LPIN2: variants seen among roughly 807,000 people sequenced by gnomAD.
LPIN2 encodes lipin 2.
A neutral mutation model predicts 111.4 loss-of-function variants in LPIN2; 55 were observed. That is an observed-to-expected ratio of 0.49 (90% CI 0.40 to 0.62). The LOEUF (loss-of-function observed/expected upper bound fraction) is 0.62, where lower values mean the gene tolerates loss of function less well. Ranked by LOEUF, LPIN2 falls within the 20% of genes least tolerant of loss-of-function variation. The pLI is 0.00. For missense variants in LPIN2, 992 were observed against 1,112.1 expected (o/e 0.89, Z 1.54); for synonymous variants, 425 against 414.0 (o/e 1.03, Z -0.32).
chr18:2,939,698 T>A (rs2077342979), intron 5 of LPIN2, 95 bp from the exon 6 acceptor site: 2 of 1,392,846 alleles, frequency 1.4e-6, no homozygotes, highest in Non-Finnish European at 2.0e-6. Context: ...TCTGAATATC[T>A]TGACTTTATC....
rs1043468723 is a variant in LPIN2 at position 2,917,975 on chromosome 18, A to T, written c.*2318T>A. On this transcript the variant is annotated 3_prime_UTR_variant, in exon 20 of 20. Transcript: ENST00000677752. ...ACACTCGAGGGCATCTCTTTCACAG[A>T]AAGAACAAATGTCATTTGTACCAAA... 3 of 152,224 alleles carry T rather than the reference A, an allele frequency of 2.0e-5. No individual in the cohort carries two copies. Among genetic ancestry groups the T allele is most frequent in the African/African-American group, 7.2e-5 (3 of 41,464 alleles). 9.4% of individuals were successfully genotyped at this position (152,224 alleles called of 1,614,324 possible). A position where few individuals can be genotyped will look rare whatever the true frequency, so the allele number is the denominator to read the frequency against.
chr18:2,998,057 G>A lies in LPIN2; in HGVS notation c.-10+15030C>T, dbSNP rs1345566084. ...CTTTCCCAATGTCAATCAAAACACA[G>A]CTCAAGTTTCATGCCCTGCTTTATT... is the stretch of plus-strand genomic sequence containing the variant. On this transcript the variant is annotated intron_variant, in intron 1 of 19. Coordinates refer to ENST00000677752, the MANE Select transcript of LPIN2 (RefSeq NM_001375808.2). Among the ~76,000 whole-genome samples, 6 of 152,208 alleles carry A rather than the reference G, an allele frequency of 3.9e-5. No homozygotes were observed. In the East Asian group the frequency reaches 1.2e-3, roughly 29 times the overall value.
At chr18:2,961,692 C>T (rs1003168193) in intron 1 of LPIN2, among the ~76,000 whole-genome samples, 2 of 152,152 alleles carry the variant, frequency 1.3e-5, no homozygotes, top group Non-Finnish European at 2.9e-5. Context: ...CAAATCCCCC[C>T]CTTCAGTCCT....
intron 4 of LPIN2, among the ~76,000 whole-genome samples, chr18:2,944,384 C>G (rs1425957431): frequency 8.6e-6 from 1 of 116,310 alleles, no homozygotes; most frequent in Non-Finnish European, 1.7e-5. Flanking sequence ...CGGAGTCTGG[C>G]TCTGTCGCCC....
chr18:2,972,529 A>G (rs1210501252), intron 1 of LPIN2: 2 of 152,258 alleles, frequency 1.3e-5, no homozygotes, highest in Non-Finnish European at 2.9e-5. Flanking sequence ...TGGAAACAAT[A>G]GTTTAATTTT....
chr18:2,927,101 C>CT (rs1302238062), intron 12 of LPIN2, among the ~76,000 whole-genome samples: 1 of 152,206 alleles, frequency 6.6e-6, no homozygotes, highest in Non-Finnish European at 1.5e-5. Context: ...CCCCAGCTTC[C>CT]TTCTCCTCCT....
At chr18:2,921,166 T>C in intron 18 of LPIN2, 1 of 555,570 alleles carries the variant, frequency 1.8e-6, no homozygotes, top group Admixed American at 3.1e-5. Context: ...CCGATGGCCC[T>C]GCAGAAGGGA....
Position 2,951,135 on chromosome 18 carries a change from C to A in LPIN2, c.510G>T (p.Glu170Asp), listed in dbSNP as rs1289032711. The A allele has an allele frequency of 2.5e-6, 4 of 1,614,096 alleles. No individual in the cohort carries two copies. Among genetic ancestry groups the A allele is most frequent in the Non-Finnish European group, 3.4e-6 (4 of 1,180,042 alleles). ...CTTCTGCAGCAGCAGATGCGGCCTG[C>A]TCTTCCTTCTTACTGTCCTGTTTGT... ...KKYKQDSKKE[E>D]QAASAAAEDT... The change falls in exon 4 of 20, where the codon GAG (glutamate) becomes GAT (aspartate). Residue 170 changes from glutamate (E) to aspartate (D), a missense_variant. Coordinates refer to ENST00000677752, the MANE Select transcript of LPIN2 (RefSeq NM_001375808.2).
intron 1 of LPIN2, among the ~76,000 whole-genome samples, chr18:2,964,459 T>C (rs1003103026): frequency 2.0e-5 from 3 of 151,978 alleles, no homozygotes; most frequent in Non-Finnish European, 4.4e-5. Context: ...GTCACATGGG[T>C]GGAGCCTCCA....
Position 2,931,375 on chromosome 18 carries a change from G to C in LPIN2, c.1337C>G (p.Ser446Cys). The C allele has an allele frequency of 6.2e-7, 1 of 1,612,256 alleles. No individual in the cohort carries two copies. ...GCTATCTGCAGCTGCGCTTCCCACG[G>C]ACTGTGGGGACTGGGAGCCAGAGAG... is the stretch of plus-strand genomic sequence containing the variant. Reference protein sequence around the residue: ...DTLSGSQSPQSVGSAAADSGT... With the variant: ...DTLSGSQSPQCVGSAAADSGT... The change falls in exon 9 of 20, where the codon TCC becomes TGC. Residue 446 changes from serine to cysteine, a missense_variant. By Grantham distance (112) the Ser-to-Cys change is moderately radical (BLOSUM62 -1). Transcript: ENST00000677752.
At chr18:2,959,300 T>G (rs1276931158) in intron 2 of LPIN2, among the ~76,000 whole-genome samples, 1 of 152,292 alleles carries the variant, frequency 6.6e-6, no homozygotes, top group South Asian at 2.1e-4. Flanking sequence ...AAAAAGAATA[T>G]CTAGTTTTGT....
chr18:2,998,328 C>T (rs945990854), intron 1 of LPIN2, among the ~76,000 whole-genome samples: 5 of 152,238 alleles, frequency 3.3e-5, no homozygotes, highest in African/African-American at 1.2e-4. Context: ...TACTAAGCTA[C>T]TTCAACAAGA....
intron 1 of LPIN2, chr18:2,967,162 A>G (rs1271469252): frequency 6.6e-6 from 1 of 152,136 alleles, no homozygotes; most frequent in East Asian, 1.9e-4. Flanking sequence ...TTTAAATTTG[A>G]GATTGAGATA....
intron 4 of LPIN2, among the ~76,000 whole-genome samples, chr18:2,940,938 G>T (rs2077359600): frequency 6.6e-6 from 1 of 152,146 alleles, no homozygotes; most frequent in African/African-American, 2.4e-5. Flanking sequence ...GGACAAAAGA[G>T]AAATGTGATT....
Position 3,006,267 on chromosome 18 carries a change from CTAAGAA to C in LPIN2, c.-10+6814_-10+6819del, listed in dbSNP as rs142849709. On this transcript the variant is annotated intron_variant, in intron 1 of 19. Coordinates refer to ENST00000677752, the MANE Select transcript of LPIN2 (RefSeq NM_001375808.2). ...GGCATCAGCACCACTTTACAACAGACTAAGAATGTCAGTGGATAGACTAGATATTAA... is the reference window on the plus strand; with the variant it reads ...GGCATCAGCACCACTTTACAACAGACTGTCAGTGGATAGACTAGATATTAA... 5.5e-4 allele frequency among the ~76,000 whole-genome samples: 84 copies of C among 152,334 alleles called. 1 individual carries two copies. In the East Asian group the frequency reaches 0.015, roughly 28 times the overall value.
At chr18:2,972,691 A>G (rs2077940869) in intron 1 of LPIN2, among the ~76,000 whole-genome samples, 1 of 152,208 alleles carries the variant, frequency 6.6e-6, no homozygotes. Flanking sequence ...CACCCTCAAA[A>G]GGGGGCCCCA....
rs2144116507 is a variant in LPIN2, at chr18:2,921,608, C to A, written c.2367G>T (p.Glu789Asp). 3 of 1,613,986 alleles carry A rather than the reference C, an allele frequency of 1.9e-6. No homozygotes were observed. The highest frequency in any genetic ancestry group is 2.5e-6 in the Non-Finnish European group (3 of 1,179,846). The change falls in exon 18 of 20, where the codon GAG becomes GAT. Residue 789 changes from glutamate to aspartate, a missense_variant. Glu to Asp is a conservative substitution (Grantham distance 45, BLOSUM62 2). Coordinates refer to ENST00000677752, the MANE Select transcript of LPIN2 (RefSeq NM_001375808.2). ...IEKKPEKFKI[E>D]CLNDIKNLFA... is the part of the protein sequence containing the mutation. The stretch of plus-strand genomic sequence containing the variant: ...ACAGATTCTTGATATCATTTAGACA[C>A]TCAATTTTGAACTTCTCTGGTTTCT...
intron 1 of LPIN2, among the ~76,000 whole-genome samples, chr18:3,000,287 G>A (rs1247590864): frequency 6.6e-6 from 1 of 152,036 alleles, no homozygotes; most frequent in Non-Finnish European, 1.5e-5. Context: ...ACAGAAACAG[G>A]AGAGGAAAAA....
chr18:2,973,859 G>A (rs1423666754), intron 1 of LPIN2, among the ~76,000 whole-genome samples: 1 of 152,146 alleles, frequency 6.6e-6, no homozygotes. Context: ...TCTTGGCTGG[G>A]ACCTATCACC....
Sources: gnomAD v4.1 joint callset for allele counts (sites outside exome capture counted in the v4.1 genomes callset) on GRCh38, gnomAD v4.1.1 for gene constraint, MANE v1.5 for transcripts, NCBI Gene and HGNC (gene_info 2026-07-23, HGNC 2026-07-21) for gene names.